The following GULP1 variants were observed in gnomAD, a reference collection of about 807,000 sequenced individuals.
The protein encoded by GULP1 is PTB domain-containing engulfment adapter protein 1.
GULP1 carries 19 observed loss-of-function variants against 40.9 expected under a neutral mutation model. The ratio of observed to expected loss-of-function variants is 0.46; its 90% CI spans 0.32 to 0.68. The LOEUF (loss-of-function observed/expected upper bound fraction) is 0.68, where lower values mean the gene tolerates loss of function less well. Among genes scored for constraint, GULP1 ranks in the 30% least tolerant of loss-of-function variants. The probability of loss-of-function intolerance (pLI) is 0.03; values close to 1 mark genes in which losing one functional copy is unlikely to be tolerated. For missense variants in GULP1, 312 were observed against 362.2 expected, an observed-to-expected ratio of 0.86 and a Z score of 1.12; for synonymous variants, 119 against 117.6, an observed-to-expected ratio of 1.01 and a Z score of -0.08.
At chr2:188,556,980 T>G (rs907784101) in intron 7 of GULP1, among the ~76,000 whole-genome samples, 11 of 151,084 alleles carry the variant, frequency 7.3e-5, no homozygotes, top group African/African-American at 2.7e-4. Flanking sequence ...GCCTAGATCG[T>G]GCCACTGCAC....
chr2:188,351,137 G>C (rs1181329312), intron 1 of GULP1, among the ~76,000 whole-genome samples: 1 of 152,036 alleles, frequency 6.6e-6, no homozygotes, highest in South Asian at 2.1e-4. Context: ...TCAGAGGATG[G>C]AATATAGTTT....
At chr2:188,301,510 C>T (rs76875095) in intron 1 of GULP1, among the ~76,000 whole-genome samples, 1 of 152,180 alleles carries the variant, frequency 6.6e-6, no homozygotes, top group African/African-American at 2.4e-5. Flanking sequence ...ATTCCTTATT[C>T]TTCTTTTCCC....
intron 5 of GULP1, among the ~76,000 whole-genome samples, chr2:188,523,268 A>G (rs1685306452): frequency 6.6e-6 from 1 of 152,206 alleles, no homozygotes; most frequent in Non-Finnish European, 1.5e-5. Context: ...GTGACACTGT[A>G]TGTTAAAGAT....
chr2:188,322,813 C>T (rs2040183725), intron 1 of GULP1, among the ~76,000 whole-genome samples: 1 of 152,102 alleles, frequency 6.6e-6, no homozygotes, highest in Non-Finnish European at 1.5e-5. Flanking sequence ...GCCTTCAATA[C>T]CTCTTGCCTG....
intron 2 of GULP1, among the ~76,000 whole-genome samples, chr2:188,473,466 C>T (rs1004578976): frequency 3.3e-5 from 5 of 152,190 alleles, no homozygotes; most frequent in Non-Finnish European, 5.9e-5. Context: ...TTCTATTGTA[C>T]TGTGGCTGAG....
At chr2:188,352,847 A>G (rs1242617784) in intron 1 of GULP1, among the ~76,000 whole-genome samples, 1 of 152,196 alleles carries the variant, frequency 6.6e-6, no homozygotes, top group Non-Finnish European at 1.5e-5. Context: ...TTGAACTTCC[A>G]AGAAAATGAT....
intron 2 of GULP1, among the ~76,000 whole-genome samples, chr2:188,461,283 A>G (rs1397459401): frequency 6.7e-6 from 1 of 150,056 alleles, no homozygotes; most frequent in Non-Finnish European, 1.5e-5. Flanking sequence ...TCAACAGTGA[A>G]GCCATTGGGT....
intron 9 of GULP1, among the ~76,000 whole-genome samples, chr2:188,572,304 A>T (rs776970193): frequency 2.0e-5 from 3 of 152,204 alleles, no homozygotes; most frequent in Non-Finnish European, 2.9e-5. Flanking sequence ...TTATATATAA[A>T]GAGTAAAAAT....
At position 188,472,647 on chromosome 2, in the gene GULP1, T is replaced by A. The variant is rs551052680; in HGVS notation, c.-44-5012T>A. 5.9e-5 allele frequency among the ~76,000 whole-genome samples: 9 copies of A among 152,272 alleles called. No individual in the cohort carries two copies. The East Asian group carries it at 9.7e-4, about 16-fold the overall frequency. On this transcript the variant is annotated intron_variant, in intron 2 of 11. Transcript: ENST00000409830. Reference sequence around the variant, plus strand: ...TTCTGCTTGATTCCTTTTAATTATTTCAATCTCTTTCTTTAATTTATCTAA... The same window carrying A: ...TTCTGCTTGATTCCTTTTAATTATTACAATCTCTTTCTTTAATTTATCTAA...
chr2:188,489,198 G>A (rs768277840), intron 4 of GULP1, among the ~76,000 whole-genome samples: 4 of 151,960 alleles, frequency 2.6e-5, no homozygotes, highest in Admixed American at 2.0e-4. Flanking sequence ...CTTTGGAATC[G>A]TTGAAAGTTG....
intron 7 of GULP1, among the ~76,000 whole-genome samples, chr2:188,561,504 A>T (rs948196842): frequency 6.6e-6 from 1 of 152,158 alleles, no homozygotes; most frequent in Admixed American, 6.6e-5. Flanking sequence ...GGCCAACCTC[A>T]TGCCTCTGGG....
chr2:188,540,031 G>A (rs1157221103), intron 6 of GULP1, among the ~76,000 whole-genome samples: 2 of 151,900 alleles, frequency 1.3e-5, no homozygotes, highest in African/African-American at 4.8e-5. Flanking sequence ...AAGCTTTTTT[G>A]GGGGATATTC....
At chr2:188,447,473 G>C (rs1046803540) in intron 2 of GULP1, among the ~76,000 whole-genome samples, 20 of 152,208 alleles carry the variant, frequency 1.3e-4, no homozygotes, top group African/African-American at 4.8e-4. Context: ...AGAAGGCATT[G>C]CTTCATGATA....
chr2:188,568,101 A>C (rs187107956), intron 7 of GULP1, among the ~76,000 whole-genome samples: 28 of 152,218 alleles, frequency 1.8e-4, no homozygotes, highest in African/African-American at 6.5e-4. Flanking sequence ...AACTAGGTTA[A>C]ATACTATATT....
intron 1 of GULP1, among the ~76,000 whole-genome samples, chr2:188,323,605 GT>G (rs759115803): frequency 2.3e-4 from 35 of 151,762 alleles, no homozygotes; most frequent in Non-Finnish European, 4.6e-4. Flanking sequence ...GAGTTTGTGA[GT>G]GCAAATTGAA....
intron 2 of GULP1, among the ~76,000 whole-genome samples, chr2:188,385,021 A>G (rs1055934386): frequency 1.3e-5 from 2 of 152,088 alleles, no homozygotes; most frequent in African/African-American, 4.8e-5. Context: ...TGGATCTACC[A>G]TTCTAGGGTC....
intron 2 of GULP1, among the ~76,000 whole-genome samples, chr2:188,385,238 A>G (rs751769242): frequency 4.6e-5 from 7 of 152,154 alleles, no homozygotes; most frequent in Non-Finnish European, 7.4e-5. Context: ...CCAAACCTCA[A>G]TTCTTGACTT....
chr2:188,365,197 G>A (rs2152402263), intron 1 of GULP1, among the ~76,000 whole-genome samples: 1 of 152,304 alleles, frequency 6.6e-6, no homozygotes, highest in Admixed American at 6.5e-5. Flanking sequence ...TGCCTTGCCA[G>A]CTGTGTGCTG....
chr2:188,508,264 C>A (rs2064134432), intron 4 of GULP1, among the ~76,000 whole-genome samples: 2 of 151,866 alleles, frequency 1.3e-5, no homozygotes, highest in Non-Finnish European at 2.9e-5. Flanking sequence ...TAATTGACTT[C>A]AAGTGTTGAG....
Sources: allele counts gnomAD v4.1 joint callset (sites outside exome capture counted in the v4.1 genomes callset), GRCh38; gene constraint gnomAD v4.1.1; transcripts MANE v1.5; gene names NCBI Gene and HGNC (gene_info 2026-07-23, HGNC 2026-07-21).